The following ACVR1C variants were observed in gnomAD, a reference collection of about 807,000 sequenced individuals.
The protein encoded by ACVR1C is activin A receptor type 1C, also known as activin receptor type-1C.
Under a neutral mutation model 57.9 loss-of-function variants are expected in ACVR1C, and 23 were observed. That is an observed-to-expected ratio of 0.40 (90% CI 0.29 to 0.56). The LOEUF is 0.56. Ranked by LOEUF, ACVR1C falls within the 20% of genes least tolerant of loss-of-function variation. The pLI is 0.50. For synonymous variants in ACVR1C, 214 were observed against 215.3 expected, an observed-to-expected ratio of 0.99 and a Z score of 0.05; for missense variants, 480 against 607.9, an observed-to-expected ratio of 0.79 and a Z score of 2.21.
chr2:157,535,598 C>T (rs552448398), intron 8 of ACVR1C, among the ~76,000 whole-genome samples: 7 of 152,160 alleles, frequency 4.6e-5, no homozygotes, highest in East Asian at 1.9e-4. Flanking sequence ...GAGGCCAAGG[C>T]GGGTGGATCA....
chr2:157,552,412 C>T (rs1162113835), intron 3 of ACVR1C, among the ~76,000 whole-genome samples: 3 of 152,182 alleles, frequency 2.0e-5, no homozygotes. Flanking sequence ...GGATTACAGG[C>T]GTGAGCCACT....
chr2:157,615,879 T>G (rs1276757473), intron 1 of ACVR1C, among the ~76,000 whole-genome samples: 1 of 152,242 alleles, frequency 6.6e-6, no homozygotes, highest in Non-Finnish European at 1.5e-5. Flanking sequence ...CTTAACTTTG[T>G]TCCTCTTTAT....
intron 2 of ACVR1C, among the ~76,000 whole-genome samples, chr2:157,582,100 T>A (rs968992512): frequency 1.3e-5 from 2 of 152,186 alleles, no homozygotes; most frequent in East Asian, 1.9e-4. Flanking sequence ...GGAAGACTGC[T>A]TAAGGCCATG....
rs377565034 is a variant in ACVR1C at position 157,538,451 on chromosome 2, TA to T, written c.1356+121del. On this transcript the variant is annotated intron_variant, in intron 8 of 8. Coordinates refer to ENST00000243349, the MANE Select transcript of ACVR1C (RefSeq NM_145259.3). Reference sequence around the variant, plus strand: ...GGGAAAAAATCCTTCTGAAGACTTATAAAAAGACGTATGTCTACATATATGG... The same window carrying T: ...GGGAAAAAATCCTTCTGAAGACTTATAAAAGACGTATGTCTACATATATGG... 3.7e-4 allele frequency: 358 copies of T among 970,452 alleles called. No individual in the cohort carries two copies. In the African/African-American group the frequency reaches 5.5e-3, roughly 15 times the overall value. The allele number at this position is 970,452 out of a possible 1,614,324, so 60.1% of individuals were successfully genotyped here.
rs200126813 is a variant in ACVR1C, at chr2:157,605,179, CA to C, written c.74-17763del. On this transcript the variant is annotated intron_variant, in intron 1 of 8. Coordinates refer to ENST00000243349, the MANE Select transcript of ACVR1C (RefSeq NM_145259.3). Reference sequence around the variant, plus strand: ...CATTAAATTGCCTTTATAATTTTGTCAAAAAAATCAATTGACATATATATAT... The same window carrying C: ...CATTAAATTGCCTTTATAATTTTGTCAAAAAATCAATTGACATATATATAT... Among the ~76,000 whole-genome samples, 134 of 151,418 alleles carry C rather than the reference CA, an allele frequency of 8.8e-4. 1 individual carries two copies. In the East Asian group the frequency reaches 0.022, roughly 25 times the overall value.
rs887404649 is a variant in ACVR1C at position 157,587,421 on chromosome 2, G to A, written c.74-4C>T. Reference sequence around the variant, plus strand: ...AAAAGACATACACACTTCAGTCCTGGAAAGAGTAAGGCAAAAAGATTTAAA... The same window carrying A: ...AAAAGACATACACACTTCAGTCCTGAAAAGAGTAAGGCAAAAAGATTTAAA... On this transcript the variant is annotated splice_region_variant and splice_polypyrimidine_tract_variant and intron_variant, in intron 1 of 8. Transcript: ENST00000243349. 3 of 1,598,290 alleles carry A rather than the reference G, an allele frequency of 1.9e-6. No homozygotes were observed. The highest frequency in any genetic ancestry group is 2.2e-5 in the South Asian group (2 of 90,718).
At chr2:157,558,648 GT>G (rs1688163187) in intron 2 of ACVR1C, among the ~76,000 whole-genome samples, 1 of 152,204 alleles carries the variant, frequency 6.6e-6, no homozygotes, top group South Asian at 2.1e-4. Flanking sequence ...TCCCCTGAGT[GT>G]TTCGGAATTC....
rs1187353033 is a variant in ACVR1C at position 157,531,701 on chromosome 2, G to C, written c.*2217C>G. On this transcript the variant is annotated 3_prime_UTR_variant, in exon 9 of 9. Transcript: ENST00000243349. ...ACAAGCAAGATTACCCCTTCACATA[G>C]GCTCTTTTTAAAAATCACTTCACAT... 6.6e-6 allele frequency: 1 copy of C among 152,008 alleles called. No homozygotes were observed. Among genetic ancestry groups the C allele is most frequent in the Non-Finnish European group, 1.5e-5 (1 of 67,952 alleles). The allele number at this position is 152,008 out of a possible 1,614,324, so 9.4% of individuals were successfully genotyped here.
At chr2:157,610,908 C>T (rs1682517073) in intron 1 of ACVR1C, among the ~76,000 whole-genome samples, 1 of 151,996 alleles carries the variant, frequency 6.6e-6, no homozygotes, top group Non-Finnish European at 1.5e-5. Flanking sequence ...TGGTAAATTT[C>T]TCATTCATGT....
chr2:157,551,778 T>C lies in ACVR1C; in HGVS notation c.545-1386A>G, dbSNP rs1461369349. 2.0e-5 allele frequency among the ~76,000 whole-genome samples: 3 copies of C among 152,214 alleles called. 1 individual carries two copies. The highest frequency in any genetic ancestry group is 4.4e-5 in the Non-Finnish European group (3 of 68,038). On this transcript the variant is annotated intron_variant, in intron 3 of 8. Coordinates refer to ENST00000243349, the MANE Select transcript of ACVR1C (RefSeq NM_145259.3). ...GACAGCTAGGGAACCCTCATAGCAA[T>C]GACCCTGTCTTGCAGGGGCTTTGGT...
At position 157,529,093 on chromosome 2, in the gene ACVR1C, A is replaced by G. The variant is rs1687299759; in HGVS notation, c.*4825T>C. 1 of 152,184 alleles carries G rather than the reference A, an allele frequency of 6.6e-6. No homozygotes were observed. Among genetic ancestry groups the G allele is most frequent in the South Asian group, 2.1e-4 (1 of 4,834 alleles). 9.4% of individuals were successfully genotyped at this position (152,184 alleles called of 1,614,324 possible). A position where few individuals can be genotyped will look rare whatever the true frequency, so the allele number is the denominator to read the frequency against. ...AAAAAAAGAGAAAGAGAGAAAAGTTAGATAATATCCCACTGGACATAGTCC... is the reference window on the plus strand; with the variant it reads ...AAAAAAAGAGAAAGAGAGAAAAGTTGGATAATATCCCACTGGACATAGTCC... On this transcript the variant is annotated 3_prime_UTR_variant, in exon 9 of 9. Coordinates refer to ENST00000243349, the MANE Select transcript of ACVR1C (RefSeq NM_145259.3).
chr2:157,578,881 T>C (rs1688722147), intron 2 of ACVR1C, among the ~76,000 whole-genome samples: 1 of 152,198 alleles, frequency 6.6e-6, no homozygotes, highest in South Asian at 2.1e-4. Context: ...ATTAAGACAA[T>C]TCAAAGGAGC....
chr2:157,552,680 A>T (rs1687950682), intron 3 of ACVR1C, among the ~76,000 whole-genome samples: 1 of 152,254 alleles, frequency 6.6e-6, no homozygotes, highest in Non-Finnish European at 1.5e-5. Flanking sequence ...AATCAAGTAC[A>T]TAATCAGTGG....
rs996589554 is a variant in ACVR1C at position 157,628,512 on chromosome 2, C to T, written c.73+60G>A. On this transcript the variant is annotated intron_variant, in intron 1 of 8. Transcript: ENST00000243349. ...CCCTGTCCCCCACCCCCGTGCTCAC[C>T]CGCAGACCTCCTCCCAGCTCCCACC... 15 of 1,562,218 alleles carry T rather than the reference C, an allele frequency of 9.6e-6. No homozygotes were observed. In the African/African-American group the frequency reaches 1.2e-4, roughly 13 times the overall value.
At chr2:157,554,243 GAAA>G (rs1308062887) in intron 3 of ACVR1C, among the ~76,000 whole-genome samples, 15 of 118,668 alleles carry the variant, frequency 1.3e-4, no homozygotes, top group South Asian at 5.2e-4. Flanking sequence ...AAGAAAGAAA[GAAA>G]GAAAGAAAGA....
rs895483827 is a variant in ACVR1C at position 157,620,767 on chromosome 2, G to T, written c.73+7805C>A. On this transcript the variant is annotated intron_variant, in intron 1 of 8. Transcript: ENST00000243349. ...TTATGTTGAGAACATTCAAAATCTG[G>T]TCTTCTAGCTATTTGAACATGTCCA... Among the ~76,000 whole-genome samples the T allele has an allele frequency of 2.6e-5, 4 of 151,922 alleles. No individual in the cohort carries two copies. The East Asian group carries it at 7.7e-4, about 29-fold the overall frequency.
At chr2:157,612,770 C>T (rs890016365) in intron 1 of ACVR1C, among the ~76,000 whole-genome samples, 3 of 152,154 alleles carry the variant, frequency 2.0e-5, no homozygotes, top group Admixed American at 6.5e-5. Flanking sequence ...GAGCACACAA[C>T]GCTTTTGGGT....
chr2:157,544,311 C>G (rs1475000246), intron 5 of ACVR1C, 134 bp downstream of exon 5: 1 of 802,170 alleles, frequency 1.2e-6, no homozygotes, highest in East Asian at 3.4e-5. Flanking sequence ...TACCAAAATG[C>G]TGGGATTATG....
intron 2 of ACVR1C, among the ~76,000 whole-genome samples, chr2:157,564,018 G>C (rs1022433345): frequency 6.6e-6 from 1 of 152,042 alleles, no homozygotes; most frequent in Admixed American, 6.6e-5. Flanking sequence ...AAACCCTAGA[G>C]GAAAACCTAA....
Sources: allele counts gnomAD v4.1 joint callset (sites outside exome capture counted in the v4.1 genomes callset), GRCh38; gene constraint gnomAD v4.1.1; transcripts MANE v1.5; gene names NCBI Gene and HGNC (gene_info 2026-07-23, HGNC 2026-07-21).